Variants in ZNF599 observed in about 807,000 individuals in gnomAD.
The protein encoded by ZNF599 is zinc finger protein 599.
A neutral mutation model predicts 11.7 loss-of-function variants in ZNF599; 10 were observed. The ratio of observed to expected loss-of-function variants is 0.86; its 90% CI spans 0.53 to 1.45. ZNF599 has a LOEUF of 1.45. Ranked by LOEUF, ZNF599 falls within the 40% of genes most tolerant of loss-of-function variation. The pLI is 0.00. For synonymous variants in ZNF599, 232 were observed against 253.2 expected, an observed-to-expected ratio of 0.92 and a Z score of 0.79; for missense variants, 688 against 713.6, an observed-to-expected ratio of 0.96 and a Z score of 0.41.
chr19:34,758,900 TATA>T lies in ZNF599; in HGVS notation c.*131_*133del. The T allele has an allele frequency of 2.4e-6, 2 of 819,882 alleles. No individual in the cohort carries two copies. 50.8% of individuals were successfully genotyped at this position (819,882 alleles called of 1,614,324 possible). On this transcript the variant is annotated 3_prime_UTR_variant, in exon 4 of 4. Coordinates refer to ENST00000329285, the MANE Select transcript of ZNF599 (RefSeq NM_001007248.3). ...CAGGGACAATTCTGTTTCTAGTTAG[TATA>T]AATTATCAGATACTAAGACATCTCT...
At chr19:34,783,555 G>C in the ZNF599 span, among the ~76,000 whole-genome samples, 1 of 152,110 alleles carries the variant, frequency 6.6e-6, no homozygotes, top group Admixed American at 6.5e-5. Context: ...ATACATGAAT[G>C]ACTTACCCAC....
chr19:34,793,035 G>T, the ZNF599 span, among the ~76,000 whole-genome samples: 1 of 152,122 alleles, frequency 6.6e-6, no homozygotes, highest in Non-Finnish European at 1.5e-5. Context: ...CCTTTTGGGG[G>T]AACTGACTGG....
the ZNF599 span, among the ~76,000 whole-genome samples, chr19:34,786,575 GC>G: frequency 6.6e-6 from 1 of 152,230 alleles, no homozygotes; most frequent in Non-Finnish European, 1.5e-5. Flanking sequence ...TACAGGAAGT[GC>G]CCCTTTCCTG....
At chr19:34,765,723 A>G in intron 3 of ZNF599, 1 of 700,730 alleles carries the variant, frequency 1.4e-6, no homozygotes, top group Non-Finnish European at 2.6e-6. Context: ...TTCATAAAGT[A>G]GGTCAGATGC....
chr19:34,781,630 C>T, the ZNF599 span, among the ~76,000 whole-genome samples: 2 of 152,116 alleles, frequency 1.3e-5, no homozygotes, highest in Admixed American at 6.5e-5. Flanking sequence ...TTAACAGTGC[C>T]GTGATCTTGC....
chr19:34,762,407 C>A (rs1203522291), intron 3 of ZNF599, among the ~76,000 whole-genome samples: 1 of 152,064 alleles, frequency 6.6e-6, no homozygotes, highest in Non-Finnish European at 1.5e-5. Flanking sequence ...ATGGGTATAA[C>A]CATTTTAGGA....
At chr19:34,804,055 A>AC in the ZNF599 span, among the ~76,000 whole-genome samples, 2 of 152,176 alleles carry the variant, frequency 1.3e-5, no homozygotes, top group Non-Finnish European at 2.9e-5. Flanking sequence ...GCCAAGGGCA[A>AC]CCCTTAATCC....
rs909263471 is a variant in ZNF599 at position 34,773,007 on chromosome 19, A to G, written c.-166T>C. On this transcript the variant is annotated 5_prime_UTR_variant, in exon 1 of 4. Transcript: ENST00000329285. Reference sequence around the variant, plus strand: ...CCGCCTCTGCGCGCCGTGAGGACACAGGGCTGTCGCCAAGGCCCCAGGAAG... The same window carrying G: ...CCGCCTCTGCGCGCCGTGAGGACACGGGGCTGTCGCCAAGGCCCCAGGAAG... The G allele has an allele frequency of 4.3e-5, 34 of 798,176 alleles. No individual in the cohort carries two copies. Among genetic ancestry groups the G allele is most frequent in the Non-Finnish European group, 5.5e-5 (30 of 541,756 alleles). 49.4% of individuals were successfully genotyped at this position (798,176 alleles called of 1,614,324 possible). A position where few individuals can be genotyped will look rare whatever the true frequency, so the allele number is the denominator to read the frequency against.
upstream of ZNF599, among the ~76,000 whole-genome samples, chr19:34,777,750 CT>C (rs1186779976): frequency 6.6e-6 from 1 of 150,782 alleles, no homozygotes; most frequent in Admixed American, 6.7e-5. Context: ...TATGATCCCA[CT>C]TATATGAGGT....
At chr19:34,774,175 A>G (rs897543360), upstream of ZNF599, among the ~76,000 whole-genome samples, 1 of 152,194 alleles carries the variant, frequency 6.6e-6, no homozygotes, top group Non-Finnish European at 1.5e-5. Context: ...CACTGAGACT[A>G]ATTACCTGCA....
At chr19:34,777,402 TTA>T (rs1491430618), upstream of ZNF599, among the ~76,000 whole-genome samples, 13 of 88,338 alleles carry the variant, frequency 1.5e-4, no homozygotes, top group South Asian at 8.5e-4. Context: ...ATAATATATA[TTA>T]TATATAATAT....
the ZNF599 span, among the ~76,000 whole-genome samples, chr19:34,798,459 A>G: frequency 6.6e-6 from 1 of 152,186 alleles, no homozygotes; most frequent in East Asian, 1.9e-4. Context: ...TCCCCTTGCT[A>G]ATCTATAAAT....
chr19:34,768,763 A>T (rs1191093911), intron 2 of ZNF599, among the ~76,000 whole-genome samples: 1 of 152,216 alleles, frequency 6.6e-6, no homozygotes, highest in Non-Finnish European at 1.5e-5. Flanking sequence ...ATTCACCAAC[A>T]GCTATGGGAG....
intron 3 of ZNF599, chr19:34,765,407 T>C: frequency 1.7e-6 from 1 of 603,032 alleles, no homozygotes; most frequent in Middle Eastern, 4.4e-4. Flanking sequence ...TGATGAGCTA[T>C]GAGCTGCCTA....
At chr19:34,789,968 A>C in the ZNF599 span, among the ~76,000 whole-genome samples, 1 of 152,122 alleles carries the variant, frequency 6.6e-6, no homozygotes, top group East Asian at 1.9e-4. Flanking sequence ...TTCTTCTAGT[A>C]GTTTCACAGT....
At chr19:34,800,925 G>T in the ZNF599 span, among the ~76,000 whole-genome samples, 1 of 152,128 alleles carries the variant, frequency 6.6e-6, no homozygotes, top group African/African-American at 2.4e-5. Flanking sequence ...TCTTCTCTTA[G>T]CAGTTCTACT....
chr19:34,772,903 C>A lies in ZNF599; in HGVS notation c.-62G>T, dbSNP rs1011264757. On this transcript the variant is annotated 5_prime_UTR_variant, in exon 1 of 4. Transcript: ENST00000329285. ...GAGGAAGCCGGTCCTGCGGGCTCGGCCGACCCCGGGCTCCGGCTCTGGGCT... is the reference window on the plus strand; with the variant it reads ...GAGGAAGCCGGTCCTGCGGGCTCGGACGACCCCGGGCTCCGGCTCTGGGCT... 7.1e-7 allele frequency: 1 copy of A among 1,402,546 alleles called. No homozygotes were observed. Among genetic ancestry groups the A allele is most frequent in the Non-Finnish European group, 9.2e-7 (1 of 1,084,088 alleles). 86.9% of individuals were successfully genotyped at this position (1,402,546 alleles called of 1,614,324 possible). A position where few individuals can be genotyped will look rare whatever the true frequency, so the allele number is the denominator to read the frequency against.
chr19:34,775,043 G>T (rs1042591880), upstream of ZNF599, among the ~76,000 whole-genome samples: 1 of 152,132 alleles, frequency 6.6e-6, no homozygotes, highest in Non-Finnish European at 1.5e-5. Context: ...GTGCTACACT[G>T]GCTCCCCCTT....
At position 34,772,919 on chromosome 19, in the gene ZNF599, GCTCTGGGCTGCGAGGGAC is replaced by G; in HGVS notation, c.-96_-79del. The stretch of plus-strand genomic sequence containing the variant: ...CGGGCTCGGCCGACCCCGGGCTCCG[GCTCTGGGCTGCGAGGGAC>G]CTCAGTCCCCGCCGTCGTGTAAAAT... On this transcript the variant is annotated 5_prime_UTR_variant, in exon 1 of 4. Coordinates refer to ENST00000329285, the MANE Select transcript of ZNF599 (RefSeq NM_001007248.3). 7.2e-7 allele frequency: 1 copy of G among 1,382,402 alleles called. No homozygotes were observed. Among genetic ancestry groups the G allele is most frequent in the South Asian group, 1.6e-5 (1 of 63,474 alleles). 85.6% of individuals were successfully genotyped at this position (1,382,402 alleles called of 1,614,324 possible).
Sources: allele counts gnomAD v4.1 joint callset (sites outside exome capture counted in the v4.1 genomes callset), GRCh38; gene constraint gnomAD v4.1.1; transcripts MANE v1.5; gene names NCBI Gene and HGNC (gene_info 2026-07-23, HGNC 2026-07-21).